The following TMTC3 variants were observed in gnomAD, a reference collection of about 807,000 sequenced individuals.
TMTC3 encodes the protein transmembrane O-mannosyltransferase targeting cadherins 3.
In TMTC3, 52 loss-of-function variants were observed where a neutral mutation model predicts 92.2. That is an observed-to-expected ratio of 0.56 (90% CI 0.45 to 0.71). The LOEUF (loss-of-function observed/expected upper bound fraction) is 0.71, where lower values mean the gene tolerates loss of function less well. TMTC3 is among the 30% of genes least tolerant of loss of function. The pLI is 0.00. For synonymous variants in TMTC3, 339 were observed against 363.3 expected, an observed-to-expected ratio of 0.93 and a Z score of 0.76; for missense variants, 896 against 1,057.1, an observed-to-expected ratio of 0.85 and a Z score of 2.11.
intron 10 of TMTC3, among the ~76,000 whole-genome samples, chr12:88,184,924 C>T (rs1565956589): frequency 6.6e-6 from 1 of 152,062 alleles, no homozygotes; most frequent in East Asian, 1.9e-4. Flanking sequence ...TGATAATAAA[C>T]AGAGCAACCT....
chr12:88,157,668 T>G (rs1208812149), intron 4 of TMTC3, among the ~76,000 whole-genome samples: 3 of 152,128 alleles, frequency 2.0e-5, no homozygotes, highest in Admixed American at 2.0e-4. Flanking sequence ...TTTGAATAAG[T>G]GATTGCTGAA....
At chr12:88,180,791 C>T (rs550415770) in intron 10 of TMTC3, among the ~76,000 whole-genome samples, 15 of 152,230 alleles carry the variant, frequency 9.9e-5, no homozygotes, top group Admixed American at 5.9e-4. Context: ...ATTCTCTTCC[C>T]CATGTCAACA....
At chr12:88,167,054 C>T (rs1410507017) in intron 7 of TMTC3, among the ~76,000 whole-genome samples, 1 of 148,516 alleles carries the variant, frequency 6.7e-6, no homozygotes, top group African/African-American at 2.5e-5. Context: ...TTTTCTTACC[C>T]TGTGTCACTT....
intron 8 of TMTC3, among the ~76,000 whole-genome samples, chr12:88,174,290 A>G (rs2138410430): frequency 6.6e-6 from 1 of 152,214 alleles, no homozygotes; most frequent in East Asian, 1.9e-4. Context: ...AGAAAATGGC[A>G]CAAAGGACTG....
At chr12:88,173,384 T>C (rs2041225992) in intron 8 of TMTC3, among the ~76,000 whole-genome samples, 1 of 152,034 alleles carries the variant, frequency 6.6e-6, no homozygotes, top group Non-Finnish European at 1.5e-5. Context: ...TAGTCACTTC[T>C]TTCACTTTCC....
chr12:88,171,602 T>C (rs1245323590), intron 7 of TMTC3, among the ~76,000 whole-genome samples: 3 of 152,176 alleles, frequency 2.0e-5, no homozygotes, highest in Admixed American at 2.0e-4. Flanking sequence ...CAGTAATCTG[T>C]TGATGGATAC....
Position 88,195,451 on chromosome 12 carries a change from T to A in TMTC3, c.2547T>A (p.Ile849=), listed in dbSNP as rs756634916. The change falls in exon 14 of 14, where the codon ATT becomes ATA. Residue 849 remains isoleucine, a synonymous_variant. Transcript: ENST00000266712. ...TTCCAACTGAAAGTGTAAAAGAAATTAGAGGTGAATCCAGACAAACACAAA... is the reference window on the plus strand; with the variant it reads ...TTCCAACTGAAAGTGTAAAAGAAATAAGAGGTGAATCCAGACAAACACAAA... ...KKIPTESVKE[I]RGESRQTQIV... is the part of the protein sequence containing the mutation. 4 of 1,613,086 alleles carry A rather than the reference T, an allele frequency of 2.5e-6. No homozygotes were observed. The highest frequency in any genetic ancestry group is 2.5e-6 in the Non-Finnish European group (3 of 1,179,680).
At chr12:88,179,333 T>C (rs537110116) in intron 10 of TMTC3, among the ~76,000 whole-genome samples, 64 of 152,068 alleles carry the variant, frequency 4.2e-4, no homozygotes, top group Non-Finnish European at 7.6e-4. Context: ...GGACAACTAG[T>C]GTGATGGTTA....
intron 10 of TMTC3, among the ~76,000 whole-genome samples, chr12:88,180,748 A>C (rs1241311579): frequency 6.6e-6 from 1 of 152,150 alleles, no homozygotes; most frequent in Non-Finnish European, 1.5e-5. Context: ...GCTGGAATCC[A>C]TAGAGGACTT....
Position 88,198,269 on chromosome 12 carries a change from G to C in TMTC3, c.*2620G>C. ...GAGGAGGTGGGCACATTTAAGGTCA[G>C]TTCACTAACCTATGGTTCAGAGTTC... On this transcript the variant is annotated 3_prime_UTR_variant, in exon 14 of 14. Coordinates refer to ENST00000266712, the MANE Select transcript of TMTC3 (RefSeq NM_181783.4). The C allele has an allele frequency of 2.5e-6, 1 of 397,620 alleles. No individual in the cohort carries two copies. The allele number at this position is 397,620 out of a possible 1,614,324, so 24.6% of individuals were successfully genotyped here. A position where few individuals can be genotyped will look rare whatever the true frequency, so the allele number is the denominator to read the frequency against.
intron 10 of TMTC3, among the ~76,000 whole-genome samples, chr12:88,187,810 A>G (rs1443955625): frequency 6.6e-6 from 1 of 152,228 alleles, no homozygotes. Context: ...AGTAGTAATC[A>G]TAATGAACCT....
chr12:88,184,273 A>AC (rs1423645138), intron 10 of TMTC3, among the ~76,000 whole-genome samples: 1 of 151,880 alleles, frequency 6.6e-6, no homozygotes, highest in Non-Finnish European at 1.5e-5. Context: ...AACATTGTCG[A>AC]CCCCCCAAGT....
At chr12:88,143,214 T>G (rs1272625767) in intron 1 of TMTC3, among the ~76,000 whole-genome samples, 3 of 152,020 alleles carry the variant, frequency 2.0e-5, no homozygotes, top group Non-Finnish European at 4.4e-5. Flanking sequence ...TGACAGTAAA[T>G]TTTCCTTTCG....
chr12:88,157,613 C>A (rs552357450), intron 4 of TMTC3, among the ~76,000 whole-genome samples: 1 of 152,140 alleles, frequency 6.6e-6, no homozygotes, highest in African/African-American at 2.4e-5. Flanking sequence ...TTACTTGTCT[C>A]TCTTCCCTAT....
Position 88,182,624 on chromosome 12 carries a change from T to C in TMTC3, c.1433-6219T>C, listed in dbSNP as rs2041330544. On this transcript the variant is annotated intron_variant, in intron 10 of 13. Transcript: ENST00000266712. ...GCTATGACTAAACCTCTTAGCTATG[T>C]ATTCTTTACGACAGAGGCTTATAAA... 1.3e-5 allele frequency among the ~76,000 whole-genome samples: 2 copies of C among 152,212 alleles called. 1 individual carries two copies. The highest frequency in any genetic ancestry group is 4.1e-4 in the South Asian group (2 of 4,832).
chr12:88,195,466 A>G lies in TMTC3; in HGVS notation c.2562A>G (p.Arg854=). The change falls in exon 14 of 14, where the codon AGA becomes AGG. Residue 854 remains arginine (R), a synonymous_variant. Transcript: ENST00000266712. Reference sequence around the variant, plus strand: ...TAAAAGAAATTAGAGGTGAATCCAGACAAACACAAATAGTAAAAACAAGTG... The same window carrying G: ...TAAAAGAAATTAGAGGTGAATCCAGGCAAACACAAATAGTAAAAACAAGTG... ...ESVKEIRGES[R]QTQIVKTSDN... 6.2e-7 allele frequency: 1 copy of G among 1,613,046 alleles called. No individual in the cohort carries two copies. Among genetic ancestry groups the G allele is most frequent in the Non-Finnish European group, 8.5e-7 (1 of 1,179,696 alleles).
At chr12:88,176,650 A>C (rs1243985647) in intron 10 of TMTC3, among the ~76,000 whole-genome samples, 2 of 152,054 alleles carry the variant, frequency 1.3e-5, no homozygotes, top group East Asian at 3.9e-4. Flanking sequence ...TGGTGTGGGC[A>C]TGTAAACTCG....
intron 9 of TMTC3, among the ~76,000 whole-genome samples, chr12:88,175,157 G>A (rs1224126423): frequency 2.0e-5 from 3 of 150,374 alleles, no homozygotes; most frequent in Admixed American, 1.3e-4. Context: ...CATCAATTCA[G>A]TAAAATAAAA....
intron 2 of TMTC3, 119 bp downstream of exon 2, chr12:88,148,623 A>G (rs1466993894): frequency 2.7e-6 from 2 of 745,358 alleles, no homozygotes; most frequent in Non-Finnish European, 2.0e-6. Flanking sequence ...TTTTAACCCT[A>G]AAATGTTTAT....
Sources: gnomAD v4.1 joint callset for allele counts (sites outside exome capture counted in the v4.1 genomes callset) on GRCh38, gnomAD v4.1.1 for gene constraint, MANE v1.5 for transcripts, NCBI Gene and HGNC (gene_info 2026-07-23, HGNC 2026-07-21) for gene names.